Variants in LSAMP observed in about 807,000 individuals in gnomAD.
LSAMP encodes limbic system-associated membrane protein.
A neutral mutation model predicts 38.6 loss-of-function variants in LSAMP; 7 were observed. The ratio of observed to expected loss-of-function variants is 0.18; its 90% CI spans 0.10 to 0.34. The LOEUF (loss-of-function observed/expected upper bound fraction) is 0.34, where lower values mean the gene tolerates loss of function less well. Ranked by LOEUF, LSAMP falls within the 10% of genes least tolerant of loss-of-function variation. LSAMP has a pLI of 1.00. For synonymous variants in LSAMP, 154 were observed against 166.8 expected (o/e 0.92, Z 0.59); for missense variants, 313 against 420.0 (o/e 0.75, Z 2.23).
intron 3 of LSAMP, among the ~76,000 whole-genome samples, chr3:115,862,095 C>A (rs997136419): frequency 2.6e-5 from 4 of 152,058 alleles, no homozygotes; most frequent in South Asian, 4.2e-4. Context: ...AACCTGGGGG[C>A]AGGGGGTTGT....
chr3:115,876,950 C>G (rs1362866833), intron 3 of LSAMP, among the ~76,000 whole-genome samples: 2 of 152,128 alleles, frequency 1.3e-5, no homozygotes, highest in East Asian at 1.9e-4. Context: ...CCCTCCCTAA[C>G]TCGCCCCTTC....
intron 1 of LSAMP, among the ~76,000 whole-genome samples, chr3:116,156,102 T>C (rs1709741022): frequency 6.6e-6 from 1 of 152,170 alleles, no homozygotes; most frequent in Non-Finnish European, 1.5e-5. Context: ...AATGGTGATT[T>C]AGGACACTGG....
chr3:115,970,680 A>G (rs1938988390), intron 3 of LSAMP, among the ~76,000 whole-genome samples: 1 of 152,176 alleles, frequency 6.6e-6, no homozygotes, highest in Non-Finnish European at 1.5e-5. Context: ...TGTATATATC[A>G]CAGATATATG....
At chr3:116,176,841 A>G (rs1025215542) in intron 1 of LSAMP, among the ~76,000 whole-genome samples, 2 of 152,202 alleles carry the variant, frequency 1.3e-5, no homozygotes, top group African/African-American at 2.4e-5. Flanking sequence ...TGAGCATTAA[A>G]TAAAATGAGA....
intron 1 of LSAMP, among the ~76,000 whole-genome samples, chr3:116,292,244 C>T (rs6809953): frequency 1.4e-4 from 22 of 152,102 alleles, no homozygotes; most frequent in African/African-American, 4.6e-4. Flanking sequence ...ATTAACAGTC[C>T]GTGCATCAAG....
intron 1 of LSAMP, among the ~76,000 whole-genome samples, chr3:116,356,410 T>C (rs1036545843): frequency 6.6e-6 from 1 of 152,144 alleles, no homozygotes; most frequent in African/African-American, 2.4e-5. Flanking sequence ...AATAGAATGA[T>C]GGTTACCAGA....
At chr3:116,435,903 A>G (rs990280957) in intron 1 of LSAMP, among the ~76,000 whole-genome samples, 7 of 152,292 alleles carry the variant, frequency 4.6e-5, no homozygotes, top group South Asian at 2.1e-4. Flanking sequence ...CAGGTTTAGA[A>G]ACTCGGCTGT....
At chr3:115,906,831 C>T (rs1038997195) in intron 3 of LSAMP, among the ~76,000 whole-genome samples, 3 of 152,058 alleles carry the variant, frequency 2.0e-5, no homozygotes, top group African/African-American at 4.8e-5. Context: ...GTATTTATTA[C>T]ATATTAAACT....
intron 1 of LSAMP, among the ~76,000 whole-genome samples, chr3:116,290,244 A>T (rs1368142627): frequency 6.6e-6 from 1 of 152,164 alleles, no homozygotes; most frequent in Non-Finnish European, 1.5e-5. Flanking sequence ...TATAGGAGAC[A>T]CTGTATGTGG....
At chr3:116,191,666 T>G (rs892416434) in intron 1 of LSAMP, among the ~76,000 whole-genome samples, 3 of 151,786 alleles carry the variant, frequency 2.0e-5, no homozygotes, top group African/African-American at 4.8e-5. Context: ...GGTTTAGCTC[T>G]TCTGTCTTGA....
At chr3:116,019,698 C>G (rs933876257) in intron 2 of LSAMP, 58 bp from the exon 3 acceptor site, 22 of 1,574,092 alleles carry the variant, frequency 1.4e-5, no homozygotes, top group Non-Finnish European at 1.7e-5. Context: ...AGGCTTGTAG[C>G]CATACAACTG....
chr3:116,389,370 A>G (rs1390494298), intron 1 of LSAMP, among the ~76,000 whole-genome samples: 1 of 152,190 alleles, frequency 6.6e-6, no homozygotes, highest in Non-Finnish European at 1.5e-5. Context: ...ACAGACTGAT[A>G]GGCAGAGAGG....
intron 1 of LSAMP, among the ~76,000 whole-genome samples, chr3:116,353,536 CCCAGATAAT>C (rs2048178752): frequency 1.3e-5 from 2 of 151,990 alleles, no homozygotes; most frequent in African/African-American, 4.8e-5. Context: ...CATCCTCCTA[CCCAGATAAT>C]CCAGTACGTG....
chr3:115,888,141 CTATT>C (rs1251157211), intron 3 of LSAMP, among the ~76,000 whole-genome samples: 5 of 151,856 alleles, frequency 3.3e-5, no homozygotes, highest in African/African-American at 7.3e-5. Flanking sequence ...GTGTGTATAA[CTATT>C]TATATATACA....
intron 1 of LSAMP, among the ~76,000 whole-genome samples, chr3:116,238,014 A>G (rs951510450): frequency 6.6e-6 from 1 of 152,158 alleles, no homozygotes; most frequent in Non-Finnish European, 1.5e-5. Context: ...TACTCACTAG[A>G]TAAATGTAGC....
intron 1 of LSAMP, among the ~76,000 whole-genome samples, chr3:116,170,418 T>C (rs1231008616): frequency 1.3e-5 from 2 of 152,204 alleles, no homozygotes; most frequent in African/African-American, 4.8e-5. Flanking sequence ...TATAATTACC[T>C]TTCATATTAT....
At chr3:115,982,991 G>C (rs1303267174) in intron 3 of LSAMP, among the ~76,000 whole-genome samples, 5 of 149,978 alleles carry the variant, frequency 3.3e-5, no homozygotes, top group Non-Finnish European at 4.4e-5. Context: ...TGCCAGAGAG[G>C]TCAGTTGAGA....
intron 1 of LSAMP, among the ~76,000 whole-genome samples, chr3:116,143,513 G>T (rs189131365): frequency 9.2e-5 from 14 of 151,812 alleles, no homozygotes; most frequent in African/African-American, 2.9e-4. Context: ...GGATGAATAC[G>T]CTGTTCTCCA....
intron 2 of LSAMP, among the ~76,000 whole-genome samples, chr3:116,027,863 T>C (rs961265914): frequency 6.6e-6 from 1 of 152,190 alleles, no homozygotes; most frequent in African/African-American, 2.4e-5. Context: ...TAGCGGTTAT[T>C]ATTTGTACTC....
Sources: gnomAD v4.1 joint callset for allele counts (sites outside exome capture counted in the v4.1 genomes callset) on GRCh38, gnomAD v4.1.1 for gene constraint, MANE v1.5 for transcripts, NCBI Gene and HGNC (gene_info 2026-07-23, HGNC 2026-07-21) for gene names.